The following DAB2IP variants were observed in gnomAD, a reference collection of about 807,000 sequenced individuals.
DAB2IP encodes the protein disabled homolog 2-interacting protein.
Under a neutral mutation model 107.2 loss-of-function variants are expected in DAB2IP, and 28 were observed. That is an observed-to-expected ratio of 0.26 (90% CI 0.19 to 0.36). The LOEUF is 0.36. Ranked by LOEUF, DAB2IP falls within the 10% of genes least tolerant of loss-of-function variation. The pLI is 1.00. For synonymous variants in DAB2IP, 755 were observed against 706.4 expected (o/e 1.07, Z -1.09); for missense variants, 1,400 against 1,644.7 (o/e 0.85, Z 2.57).
chr9:121,626,097 G>T (rs1186304363), intron 1 of DAB2IP, among the ~76,000 whole-genome samples: 3 of 152,196 alleles, frequency 2.0e-5, no homozygotes, highest in Non-Finnish European at 4.4e-5. Context: ...AGGGCAGGCA[G>T]AATTATGATT....
At chr9:121,585,861 G>C (rs1210183828) in intron 1 of DAB2IP, among the ~76,000 whole-genome samples, 1 of 146,136 alleles carries the variant, frequency 6.8e-6, no homozygotes, top group Non-Finnish European at 1.5e-5. Flanking sequence ...AAAAAAAATA[G>C]AATGGGTTAA....
At chr9:121,731,735 C>T (rs987153150) in intron 3 of DAB2IP, among the ~76,000 whole-genome samples, 1 of 152,130 alleles carries the variant, frequency 6.6e-6, no homozygotes, top group African/African-American at 2.4e-5. Flanking sequence ...TCCAGGTGCC[C>T]GGGTTACAGT....
chr9:121,631,948 G>A (rs938692859), intron 1 of DAB2IP, among the ~76,000 whole-genome samples: 7 of 152,080 alleles, frequency 4.6e-5, no homozygotes, highest in African/African-American at 1.4e-4. Context: ...GTGGAGAGAC[G>A]ATGGGAGAGG....
intron 1 of DAB2IP, among the ~76,000 whole-genome samples, chr9:121,572,715 T>C (rs520341): frequency 0.31 from 46,480 of 151,814 alleles, 7,888 homozygotes; most frequent in African/African-American, 0.41. Context: ...CTTGGAGCTC[T>C]GGAGGAGTAA....
At chr9:121,637,768 G>C (rs924685421) in intron 1 of DAB2IP, among the ~76,000 whole-genome samples, 1 of 152,198 alleles carries the variant, frequency 6.6e-6, no homozygotes, top group African/African-American at 2.4e-5. Context: ...GAGGCCGAGC[G>C]CTGCATGTGA....
intron 2 of DAB2IP, among the ~76,000 whole-genome samples, chr9:121,696,613 G>C (rs1328258278): frequency 6.6e-6 from 1 of 152,206 alleles, no homozygotes; most frequent in Non-Finnish European, 1.5e-5. Context: ...TGGCTGGGCA[G>C]AGCAGAGCAG....
intron 3 of DAB2IP, among the ~76,000 whole-genome samples, chr9:121,726,355 C>T (rs1370082397): frequency 3.3e-5 from 5 of 152,246 alleles, no homozygotes; most frequent in African/African-American, 1.2e-4. Flanking sequence ...ACATACCTCT[C>T]CCTATGCATC....
chr9:121,611,491 T>C (rs1306530961), intron 1 of DAB2IP, among the ~76,000 whole-genome samples: 1 of 152,232 alleles, frequency 6.6e-6, no homozygotes, highest in African/African-American at 2.4e-5. Context: ...TGTTTGACCT[T>C]GGACAAAGTT....
At chr9:121,739,606 T>C (rs111709442) in intron 3 of DAB2IP, among the ~76,000 whole-genome samples, 4,668 of 152,064 alleles carry the variant, frequency 0.031, 108 homozygotes, top group Non-Finnish European at 0.048. Flanking sequence ...AGGATTTGTG[T>C]TGGATTGGAT....
intron 3 of DAB2IP, among the ~76,000 whole-genome samples, chr9:121,718,105 C>G (rs1285861747): frequency 6.6e-6 from 1 of 152,130 alleles, no homozygotes; most frequent in Admixed American, 6.5e-5. Context: ...CAGGAGAGAG[C>G]GACCCATCCT....
At chr9:121,712,935 A>C (rs1217309303) in intron 3 of DAB2IP, among the ~76,000 whole-genome samples, 1 of 152,110 alleles carries the variant, frequency 6.6e-6, no homozygotes, top group African/African-American at 2.4e-5. Context: ...TCCCATCCAC[A>C]CCGGCACTCC....
At chr9:121,755,409 C>T (rs551660954) in intron 3 of DAB2IP, among the ~76,000 whole-genome samples, 1 of 152,352 alleles carries the variant, frequency 6.6e-6, no homozygotes, top group South Asian at 2.1e-4. Flanking sequence ...AGGGTTCCCC[C>T]CTGTCTTGAA....
At chr9:121,598,837 G>T (rs771111814) in intron 1 of DAB2IP, among the ~76,000 whole-genome samples, 3 of 152,254 alleles carry the variant, frequency 2.0e-5, no homozygotes, top group Admixed American at 6.5e-5. Flanking sequence ...TCCGAAAAGC[G>T]TTCGCCCCGC....
rs1023658112 is a variant in DAB2IP at position 121,585,783 on chromosome 9, A to G, written c.40+18555A>G. The stretch of plus-strand genomic sequence containing the variant: ...GCTGGAGGATCACATGAGACCAGGA[A>G]GCAGAGGTTGCAGTGAGCTGAGATC... On this transcript the variant is annotated intron_variant, in intron 1 of 16. Transcript: ENST00000259371. 5.3e-5 allele frequency among the ~76,000 whole-genome samples: 8 copies of G among 152,114 alleles called. No homozygotes were observed. The East Asian group carries it at 9.6e-4, about 18-fold the overall frequency.
intron 3 of DAB2IP, among the ~76,000 whole-genome samples, chr9:121,722,384 G>A (rs1280670643): frequency 6.6e-6 from 1 of 152,176 alleles, no homozygotes; most frequent in African/African-American, 2.4e-5. Flanking sequence ...CTGTTTGGGT[G>A]TCTTCCTGTT....
intron 1 of DAB2IP, among the ~76,000 whole-genome samples, chr9:121,608,889 G>A (rs1056532609): frequency 6.6e-6 from 1 of 152,210 alleles, no homozygotes; most frequent in Non-Finnish European, 1.5e-5. Flanking sequence ...CCCCTCTGGG[G>A]CAAAGTCTGT....
At chr9:121,649,823 C>T (rs1473473820), upstream of DAB2IP, among the ~76,000 whole-genome samples, 1 of 152,192 alleles carries the variant, frequency 6.6e-6, no homozygotes, top group African/African-American at 2.4e-5. Flanking sequence ...TGCGCTCTGT[C>T]CAGGGGCTTC....
At chr9:121,722,509 G>C (rs1006780441) in intron 3 of DAB2IP, among the ~76,000 whole-genome samples, 1 of 152,164 alleles carries the variant, frequency 6.6e-6, no homozygotes, top group African/African-American at 2.4e-5. Flanking sequence ...TGGTCCTTCA[G>C]ATTGTCCCAG....
At position 121,781,249 on chromosome 9, in the gene DAB2IP, A is replaced by C. The variant is rs374794075; in HGVS notation, c.3315-215A>C. Reference sequence around the variant, plus strand: ...GGGCTTTAGGAGCAGCGAGTGTGGGATGTGGAGGTGAGGAAGGAGGCCCAG... The same window carrying C: ...GGGCTTTAGGAGCAGCGAGTGTGGGCTGTGGAGGTGAGGAAGGAGGCCCAG... On this transcript the variant is annotated intron_variant, in intron 14 of 15. Coordinates refer to ENST00000408936, the Ensembl canonical transcript of DAB2IP. Among the ~76,000 whole-genome samples, 7 of 152,146 alleles carry C rather than the reference A, an allele frequency of 4.6e-5. No individual in the cohort carries two copies. The East Asian group carries it at 1.2e-3, about 25-fold the overall frequency.
Sources: gnomAD v4.1 joint callset for allele counts (sites outside exome capture counted in the v4.1 genomes callset) on GRCh38, gnomAD v4.1.1 for gene constraint, MANE v1.5 for transcripts, NCBI Gene and HGNC (gene_info 2026-07-23, HGNC 2026-07-21) for gene names.